The following NFIB variants were observed in gnomAD, a reference collection of about 807,000 sequenced individuals.
The protein encoded by NFIB is nuclear factor I B.
A neutral mutation model predicts 61.5 loss-of-function variants in NFIB; 11 were observed. The observed-to-expected ratio is 0.18, with a 90% CI of 0.11 to 0.30. The LOEUF is 0.30. Ranked by LOEUF, NFIB falls within the 10% of genes least tolerant of loss-of-function variation. The pLI, the probability that NFIB is intolerant of heterozygous loss-of-function variation, is 1.00. For missense variants in NFIB, 471 were observed against 608.9 expected, an observed-to-expected ratio of 0.77 and a Z score of 2.38; for synonymous variants, 260 against 216.5, an observed-to-expected ratio of 1.20 and a Z score of -1.76.
At chr9:14,441,023 G>A in the NFIB span, among the ~76,000 whole-genome samples, 2 of 151,208 alleles carry the variant, frequency 1.3e-5, no homozygotes, top group Admixed American at 6.6e-5. Context: ...TTTATAAGAT[G>A]AAGCCAGATT....
chr9:14,240,982 G>A (rs1295225055), intron 2 of NFIB, among the ~76,000 whole-genome samples: 3 of 152,164 alleles, frequency 2.0e-5, no homozygotes, highest in Admixed American at 2.0e-4. Flanking sequence ...AGTTGAGCAG[G>A]GCTGTCTTCA....
At chr9:14,303,280 G>A (rs1487671515) in intron 2 of NFIB, among the ~76,000 whole-genome samples, 2 of 152,148 alleles carry the variant, frequency 1.3e-5, no homozygotes, top group African/African-American at 2.4e-5. Context: ...ATATCATTAC[G>A]TTAGGTTTGT....
chr9:14,502,908 T>C, the NFIB span, among the ~76,000 whole-genome samples: 3 of 152,010 alleles, frequency 2.0e-5, no homozygotes, highest in Non-Finnish European at 4.4e-5. Context: ...CCAAAATCCA[T>C]TGTATCATTC....
the NFIB span, among the ~76,000 whole-genome samples, chr9:14,457,577 G>GT: frequency 2.2e-4 from 15 of 68,710 alleles, no homozygotes; most frequent in East Asian, 0.011. Context: ...TCCAGGAGCT[G>GT]GTTTTTTTTT....
chr9:14,099,753 G>C (rs1367661312), intron 10 of NFIB, among the ~76,000 whole-genome samples: 1 of 152,162 alleles, frequency 6.6e-6, no homozygotes, highest in Non-Finnish European at 1.5e-5. Flanking sequence ...TGTGCTTTCT[G>C]AATCAGGATA....
intron 1 of NFIB, among the ~76,000 whole-genome samples, chr9:14,347,852 A>G (rs1039600417): frequency 1.3e-5 from 2 of 152,082 alleles, no homozygotes; most frequent in African/African-American, 2.4e-5. Flanking sequence ...TCTCTCGCCG[A>G]GGGTCCCAGT....
chr9:14,268,895 C>T (rs913587195), intron 2 of NFIB, among the ~76,000 whole-genome samples: 4 of 152,100 alleles, frequency 2.6e-5, no homozygotes, highest in African/African-American at 4.8e-5. Context: ...TTGATGGTGA[C>T]GGCTTTGGGT....
intron 3 of NFIB, among the ~76,000 whole-genome samples, chr9:14,168,510 A>G (rs73411975): frequency 0.012 from 1,864 of 152,340 alleles, 31 homozygotes; most frequent in African/African-American, 0.04. Context: ...CTAAAGGCAT[A>G]GTCCATGTGT....
At chr9:14,398,706 C>T (rs952517023) in exon 1 of NFIB, 5 of 1,075,814 alleles carry the variant, frequency 4.6e-6, no homozygotes, top group Non-Finnish European at 6.6e-6. Flanking sequence ...ATGTTTGCTC[C>T]AGGTCACCGA....
At chr9:14,439,584 T>A in the NFIB span, among the ~76,000 whole-genome samples, 12 of 152,292 alleles carry the variant, frequency 7.9e-5, no homozygotes, top group Non-Finnish European at 1.3e-4. Context: ...GGAGTGAGCT[T>A]CCCTGAGCCT....
At chr9:14,360,109 A>G (rs899927886) in intron 1 of NFIB, among the ~76,000 whole-genome samples, 2 of 152,262 alleles carry the variant, frequency 1.3e-5, no homozygotes, top group African/African-American at 4.8e-5. Context: ...TAAATGAGGC[A>G]TAACTAAAAA....
intron 1 of NFIB, among the ~76,000 whole-genome samples, chr9:14,393,731 G>A (rs1395383826): frequency 6.6e-6 from 1 of 152,182 alleles, no homozygotes; most frequent in Non-Finnish European, 1.5e-5. Flanking sequence ...TTACTGAGTT[G>A]TCTGCAGAGA....
intron 2 of NFIB, among the ~76,000 whole-genome samples, chr9:14,289,487 A>G (rs1475125389): frequency 6.6e-6 from 1 of 151,786 alleles, no homozygotes; most frequent in Non-Finnish European, 1.5e-5. Context: ...TTGGTATACC[A>G]ATATTTGGTA....
At chr9:14,503,900 C>G in the NFIB span, among the ~76,000 whole-genome samples, 1 of 152,140 alleles carries the variant, frequency 6.6e-6, no homozygotes, top group African/African-American at 2.4e-5. Context: ...TTCGCCTAAG[C>G]CAATGTCTAC....
chr9:14,100,915 G>A (rs1249148560), intron 10 of NFIB, among the ~76,000 whole-genome samples: 2 of 152,164 alleles, frequency 1.3e-5, no homozygotes, highest in East Asian at 3.8e-4. Context: ...AATATGGTAA[G>A]CTTGTACGCA....
chr9:14,456,620 C>A, the NFIB span, among the ~76,000 whole-genome samples: 1 of 152,122 alleles, frequency 6.6e-6, no homozygotes, highest in Non-Finnish European at 1.5e-5. Flanking sequence ...CAGCCTCACT[C>A]ATTTAATTTG....
upstream of NFIB, among the ~76,000 whole-genome samples, chr9:14,401,258 G>T (rs1282813991): frequency 6.6e-6 from 1 of 152,172 alleles, no homozygotes; most frequent in South Asian, 2.1e-4. Flanking sequence ...CATTCACTGA[G>T]TCAATGTCCT....
At chr9:14,228,879 G>C (rs982666417) in intron 2 of NFIB, among the ~76,000 whole-genome samples, 3 of 151,952 alleles carry the variant, frequency 2.0e-5, no homozygotes, top group African/African-American at 4.8e-5. Flanking sequence ...ATATGAAATG[G>C]GGACACATAA....
intron 1 of NFIB, among the ~76,000 whole-genome samples, chr9:14,328,391 C>A (rs1013669704): frequency 6.6e-6 from 1 of 152,142 alleles, no homozygotes; most frequent in East Asian, 1.9e-4. Flanking sequence ...AGTGGTCTTC[C>A]TGCCTCAGCC....
Sources: gnomAD v4.1 joint callset for allele counts (sites outside exome capture counted in the v4.1 genomes callset) on GRCh38, gnomAD v4.1.1 for gene constraint, MANE v1.5 for transcripts, NCBI Gene and HGNC (gene_info 2026-07-23, HGNC 2026-07-21) for gene names.